SHISA6: variants seen among roughly 807,000 people sequenced by gnomAD.
SHISA6 encodes protein shisa-6.
In SHISA6, 22 loss-of-function variants were observed where a neutral mutation model predicts 47.9. That is an observed-to-expected ratio of 0.46 (90% CI 0.33 to 0.66). The LOEUF (loss-of-function observed/expected upper bound fraction) is 0.66, where lower values mean the gene tolerates loss of function less well. SHISA6 is among the 30% of genes least tolerant of loss of function. The pLI is 0.02. For synonymous variants in SHISA6, 388 were observed against 337.8 expected (o/e 1.15, Z -1.63); for missense variants, 680 against 764.6 (o/e 0.89, Z 1.30).
chr17:11,366,173 G>C (rs1912445173), intron 2 of SHISA6, among the ~76,000 whole-genome samples: 1 of 152,148 alleles, frequency 6.6e-6, no homozygotes, highest in African/African-American at 2.4e-5. Context: ...TTTGAGACAA[G>C]ATCTCATTCT....
intron 2 of SHISA6, among the ~76,000 whole-genome samples, chr17:11,362,912 T>C (rs1305373521): frequency 6.6e-6 from 1 of 152,204 alleles, no homozygotes; most frequent in Non-Finnish European, 1.5e-5. Flanking sequence ...ATTGCTCTGT[T>C]AGAAGGAGTT....
At chr17:11,323,356 TATA>T (rs1395305420) in intron 2 of SHISA6, among the ~76,000 whole-genome samples, 6 of 151,946 alleles carry the variant, frequency 3.9e-5, no homozygotes, top group African/African-American at 1.5e-4. Context: ...ATCAAATACA[TATA>T]ATAATAACAC....
intron 3 of SHISA6, among the ~76,000 whole-genome samples, chr17:11,422,186 CA>C (rs1436444304): frequency 6.6e-6 from 1 of 152,214 alleles, no homozygotes; most frequent in African/African-American, 2.4e-5. Flanking sequence ...TGAAAGCAAG[CA>C]GTGGCATTCC....
At chr17:11,400,376 G>A (rs73282890) in intron 3 of SHISA6, among the ~76,000 whole-genome samples, 7,071 of 151,982 alleles carry the variant, frequency 0.047, 501 homozygotes, top group African/African-American at 0.15. Context: ...TTTTTCTCTA[G>A]TTGCTCAAGC....
chr17:11,462,698 G>T (rs183859421), intron 3 of SHISA6, among the ~76,000 whole-genome samples: 5 of 152,266 alleles, frequency 3.3e-5, no homozygotes, highest in African/African-American at 4.8e-5. Flanking sequence ...CACGATCTCG[G>T]CTCACTGCAC....
At chr17:11,243,898 G>C (rs1233588488) in intron 1 of SHISA6, among the ~76,000 whole-genome samples, 2 of 152,170 alleles carry the variant, frequency 1.3e-5, no homozygotes, top group East Asian at 3.9e-4. Context: ...AGGGAAAACT[G>C]CCTGCTGCCC....
intron 5 of SHISA6, 42 bp from the exon 6 acceptor site, chr17:11,557,712 G>T: frequency 1.3e-6 from 2 of 1,494,180 alleles, no homozygotes; most frequent in Non-Finnish European, 1.8e-6. Context: ...TGGCTGCAGG[G>T]TCACCCCAGT....
intron 3 of SHISA6, among the ~76,000 whole-genome samples, chr17:11,512,434 C>A (rs186709616): frequency 6.6e-6 from 1 of 152,296 alleles, no homozygotes; most frequent in Non-Finnish European, 1.5e-5. Flanking sequence ...TGTGGTGAAT[C>A]CTGTTCTTTG....
intron 2 of SHISA6, chr17:11,288,979 G>T (rs575123057): frequency 3.9e-5 from 6 of 152,246 alleles, no homozygotes; most frequent in Non-Finnish European, 5.9e-5. Context: ...GTTTGTAATT[G>T]ATCTTAACTG....
intron 2 of SHISA6, among the ~76,000 whole-genome samples, chr17:11,296,215 GTCA>G (rs752736867): frequency 3.7e-4 from 57 of 152,256 alleles, no homozygotes; most frequent in Middle Eastern, 3.4e-3. Context: ...GAATGACATG[GTCA>G]TCTTTACATG....
At chr17:11,394,998 C>T (rs111531269) in intron 3 of SHISA6, among the ~76,000 whole-genome samples, 542 of 94,806 alleles carry the variant, frequency 5.7e-3, no homozygotes, top group East Asian at 8.4e-3. Context: ...TTTTTCTTTT[C>T]TTTTTTTTTT....
rs1430780227 is a variant in SHISA6 at position 11,558,428 on chromosome 17, T to C, written c.*124T>C. ...TTGTCCCCTCTGTAGGAAGTGGGGGTGGGCCACCTTTGCCCAAAAAGCCAT... is the reference window on the plus strand; with the variant it reads ...TTGTCCCCTCTGTAGGAAGTGGGGGCGGGCCACCTTTGCCCAAAAAGCCAT... On this transcript the variant is annotated 3_prime_UTR_variant, in exon 6 of 6. Transcript: ENST00000441885. The C allele has an allele frequency of 6.9e-6, 8 of 1,165,076 alleles. No homozygotes were observed. Among genetic ancestry groups the C allele is most frequent in the Non-Finnish European group, 9.4e-6 (8 of 846,668 alleles). 72.2% of individuals were successfully genotyped at this position (1,165,076 alleles called of 1,614,324 possible).
chr17:11,269,281 C>T (rs1285831394), intron 2 of SHISA6, among the ~76,000 whole-genome samples: 2 of 152,148 alleles, frequency 1.3e-5, no homozygotes, highest in East Asian at 3.9e-4. Flanking sequence ...ACCTCGTGAC[C>T]CACCCACCGT....
chr17:11,356,619 G>T (rs996933591), intron 2 of SHISA6, among the ~76,000 whole-genome samples: 9 of 152,084 alleles, frequency 5.9e-5, no homozygotes, highest in Admixed American at 2.0e-4. Context: ...TGGCCCTAAT[G>T]CTGTGTCTGG....
In SHISA6 at chr17:11,430,426, A is replaced by AG. The variant is rs1914722131; in HGVS notation, c.895+50918dup. On this transcript the variant is annotated intron_variant, in intron 3 of 5. Coordinates refer to ENST00000441885, the MANE Select transcript of SHISA6 (RefSeq NM_207386.4). ...GAGTCTCTGAGGGACTATGATCAAC[A>AG]GATGCTCCCATCCTGCCTTCTGCTA... Among the ~76,000 whole-genome samples, 6 of 152,318 alleles carry AG rather than the reference A, an allele frequency of 3.9e-5. No individual in the cohort carries two copies. In the South Asian group the frequency reaches 1.2e-3, roughly 32 times the overall value.
chr17:11,563,309 G>A lies in SHISA6; in HGVS notation c.*5005G>A, dbSNP rs2072062883. ...AGGCTCCATTCCAACTGGAGGAGGAGGCATCTCCATCTGGGCTGCTAGGAA... is the reference window on the plus strand; with the variant it reads ...AGGCTCCATTCCAACTGGAGGAGGAAGCATCTCCATCTGGGCTGCTAGGAA... On this transcript the variant is annotated 3_prime_UTR_variant, in exon 6 of 6. Transcript: ENST00000441885. The A allele has an allele frequency of 6.6e-6, 1 of 152,174 alleles. No individual in the cohort carries two copies. Among genetic ancestry groups the A allele is most frequent in the Non-Finnish European group, 1.5e-5 (1 of 68,048 alleles). The allele number at this position is 152,174 out of a possible 1,614,324, so 9.4% of individuals were successfully genotyped here.
At chr17:11,529,150 G>A (rs981125868) in intron 3 of SHISA6, among the ~76,000 whole-genome samples, 3 of 150,836 alleles carry the variant, frequency 2.0e-5, no homozygotes, top group East Asian at 1.9e-4. Flanking sequence ...CCAAGATTGC[G>A]CCATTGCACT....
At chr17:11,411,327 C>A (rs1481965971) in intron 3 of SHISA6, among the ~76,000 whole-genome samples, 1 of 152,062 alleles carries the variant, frequency 6.6e-6, no homozygotes, top group African/African-American at 2.4e-5. Context: ...CTTTCTGTTT[C>A]TCAGGTATTT....
In SHISA6 at chr17:11,558,255, C is replaced by A; in HGVS notation, c.1607C>A (p.Pro536Gln). The A allele has an allele frequency of 2.6e-6, 4 of 1,539,808 alleles. No individual in the cohort carries two copies. The highest frequency in any genetic ancestry group is 2.4e-5 in the East Asian group (1 of 40,900). ...ACGGTGGAGCAGCTGCACTACATCCCGGGCCACCACACCTGCTACACAGCC... is the reference window on the plus strand; with the variant it reads ...ACGGTGGAGCAGCTGCACTACATCCAGGGCCACCACACCTGCTACACAGCC... ...HNTVEQLHYIPGHHTCYTASK... is the reference protein window; with the variant it reads ...HNTVEQLHYIQGHHTCYTASK... Residue 536 changes from proline (P) to glutamine (Q), a missense_variant, in exon 6 of 6, where the codon CCG (proline) becomes CAG (glutamine). By Grantham distance (76) the Pro-to-Gln change is moderately conservative. Transcript: ENST00000441885.
Sources: gnomAD v4.1 joint callset for allele counts (sites outside exome capture counted in the v4.1 genomes callset) on GRCh38, gnomAD v4.1.1 for gene constraint, MANE v1.5 for transcripts, NCBI Gene and HGNC (gene_info 2026-07-23, HGNC 2026-07-21) for gene names.